The following MFF variants were observed in gnomAD, a reference collection of about 807,000 sequenced individuals.
MFF encodes mitochondrial fission factor, also known as chromosome 2 open reading frame 33.
MFF carries 12 observed loss-of-function variants against 36.9 expected under a neutral mutation model. That is an observed-to-expected ratio of 0.33 (90% confidence interval 0.21 to 0.53). The LOEUF (loss-of-function observed/expected upper bound fraction) is 0.53, where lower values mean the gene tolerates loss of function less well. MFF is among the 20% of genes least tolerant of loss of function. The pLI is 0.95. For missense variants in MFF, 348 were observed against 366.6 expected (o/e 0.95, Z 0.42); for synonymous variants, 99 against 126.2 (o/e 0.78, Z 1.44).
chr2:227,330,041 A>T (rs1223441759), intron 2 of MFF: 1 of 299,438 alleles, frequency 3.3e-6, no homozygotes, highest in Non-Finnish European at 6.1e-6. Flanking sequence ...TAAATTTGGT[A>T]TTCATTGCAT....
chr2:227,330,451 T>C (rs1029731818), intron 2 of MFF, 175 bp from the exon 3 acceptor site: 20 of 581,702 alleles, frequency 3.4e-5, no homozygotes, highest in Middle Eastern at 4.5e-4. Flanking sequence ...TAAGAAGGCA[T>C]TTTGTTGAGG....
At chr2:227,331,236 A>G (rs564841034) in intron 3 of MFF, among the ~76,000 whole-genome samples, 5 of 152,222 alleles carry the variant, frequency 3.3e-5, no homozygotes, top group Non-Finnish European at 7.3e-5. Flanking sequence ...ATAGCCAGAG[A>G]ATAGATTTGT....
At chr2:227,340,427 G>T (rs186164190) in intron 5 of MFF, 47 bp downstream of exon 5, 2 of 1,364,428 alleles carry the variant, frequency 1.5e-6, no homozygotes, top group East Asian at 2.3e-5. Context: ...GTTTTCTCAG[G>T]ATATTTTCTG....
In MFF at chr2:227,357,011, A is replaced by T. The variant is rs575708601; in HGVS notation, c.770A>T (p.Gln257Leu). 6.2e-6 allele frequency: 10 copies of T among 1,613,210 alleles called. No individual in the cohort carries two copies. The East Asian group carries it at 2.2e-4, about 36-fold the overall frequency. ...ATAATCAAACTAAATAGACGTCTAC[A>T]ACTTCTGGAAGAGGAGAACAAAGAA... is the stretch of plus-strand genomic sequence containing the variant. ...RQIIKLNRRL[Q>L]LLEEENKERA... is the part of the protein sequence containing the mutation. Residue 257 changes from glutamine to leucine, a missense_variant, in exon 9 of 9, where the codon CAA (glutamine) becomes CTA (leucine). Coordinates refer to ENST00000304593, the MANE Select transcript of MFF (RefSeq NM_001277062.2).
rs760360124 is a variant in MFF, at chr2:227,355,813, T to G, written c.744+52T>G. On this transcript the variant is annotated intron_variant, in intron 8 of 8. Coordinates refer to ENST00000304593, the MANE Select transcript of MFF (RefSeq NM_001277062.2). ...TTTCTCAGTTATATTCATACAATAT[T>G]TTAAAGTGATAGTTCTCAACATTTT... 4.6e-6 allele frequency: 5 copies of G among 1,075,428 alleles called. No homozygotes were observed. In the African/African-American group the frequency reaches 7.8e-5, roughly 17 times the overall value. 66.6% of individuals were successfully genotyped at this position (1,075,428 alleles called of 1,614,324 possible).
At chr2:227,333,579 G>C (rs925126556) in intron 4 of MFF, among the ~76,000 whole-genome samples, 17 of 152,302 alleles carry the variant, frequency 1.1e-4, no homozygotes, top group African/African-American at 4.1e-4. Context: ...AAAGTTTGCT[G>C]TCTGTCTGGT....
intron 4 of MFF, 27 bp from the exon 5 acceptor site, chr2:227,340,265 T>G: frequency 6.3e-7 from 1 of 1,582,244 alleles, no homozygotes; most frequent in Non-Finnish European, 8.7e-7. Context: ...TATTTCTATT[T>G]CCTTCCCTCT....
intron 5 of MFF, 182 bp from the exon 6 acceptor site, chr2:227,347,044 T>G: frequency 3.7e-6 from 2 of 541,894 alleles, no homozygotes; most frequent in East Asian, 2.9e-5. Context: ...AGTGCTGCCT[T>G]GTAGCTAGTT....
At chr2:227,329,798 A>G in intron 2 of MFF, 1 of 1,482,598 alleles carries the variant, frequency 6.7e-7, no homozygotes, top group Admixed American at 1.8e-5. Flanking sequence ...GTGAAATTTT[A>G]TTCAGTTGAG....
At chr2:227,329,736 C>T (rs1220982068) in intron 2 of MFF, 2 of 1,545,808 alleles carry the variant, frequency 1.3e-6, no homozygotes, top group Non-Finnish European at 1.8e-6. Context: ...CCTGTATTTA[C>T]TGTATTTAAA....
rs778674150 is a variant in MFF, at chr2:227,347,339, G to T, written c.554G>T (p.Arg185Leu). 3.1e-6 allele frequency: 5 copies of T among 1,613,710 alleles called. No individual in the cohort carries two copies. Among genetic ancestry groups the T allele is most frequent in the Admixed American group, 3.3e-5 (2 of 60,004 alleles). The change falls in exon 6 of 9, where the codon CGT (arginine) becomes CTT (leucine). Residue 185 changes from arginine to leucine, a missense_variant. Arg to Leu is a moderately radical substitution (Grantham distance 102, BLOSUM62 -2). Coordinates refer to ENST00000304593, the MANE Select transcript of MFF (RefSeq NM_001277062.2). Reference protein sequence around the residue: ...GILSLIQSSTRRAYQQILDVL... With the variant: ...GILSLIQSSTLRAYQQILDVL... ...TTGTCGCTTATCCAGTCTTCTACTC[G>T]TAGGGCATACCAGCAGATCTTGGAT...
chr2:227,343,691 A>G (rs1225235357), intron 5 of MFF, among the ~76,000 whole-genome samples: 1 of 152,212 alleles, frequency 6.6e-6, no homozygotes, highest in Non-Finnish European at 1.5e-5. Flanking sequence ...TCAAAGAGGT[A>G]CTTGATTTTG....
chr2:227,339,334 G>T (rs2075254998), intron 4 of MFF, among the ~76,000 whole-genome samples: 1 of 152,156 alleles, frequency 6.6e-6, no homozygotes. Context: ...TTTTGCTCAA[G>T]CATTCTGTGG....
intron 5 of MFF, among the ~76,000 whole-genome samples, chr2:227,343,900 G>C (rs1339870348): frequency 6.6e-6 from 1 of 152,030 alleles, no homozygotes; most frequent in Non-Finnish European, 1.5e-5. Flanking sequence ...CGATTCTCCT[G>C]CCCCAGTCTC....
intron 4 of MFF, 148 bp downstream of exon 4, chr2:227,332,736 C>G (rs2074693210): frequency 1.8e-6 from 1 of 558,444 alleles, no homozygotes; most frequent in Admixed American, 3.4e-5. Flanking sequence ...TACAAATGTG[C>G]CAAATAAGTT....
Position 227,347,003 on chromosome 2 carries a change from T to A in MFF, c.441-223T>A, listed in dbSNP as rs529278677. ...TACAGTTCTTTCATATTCAGTTTATTTATTTTGATGTTTAGGGTTACAAAG... is the reference window on the plus strand; with the variant it reads ...TACAGTTCTTTCATATTCAGTTTATATATTTTGATGTTTAGGGTTACAAAG... On this transcript the variant is annotated intron_variant, in intron 5 of 8. Transcript: ENST00000304593. 6 of 417,388 alleles carry A rather than the reference T, an allele frequency of 1.4e-5. No individual in the cohort carries two copies. In the South Asian group the frequency reaches 2.7e-4, roughly 19 times the overall value. 25.9% of individuals were successfully genotyped at this position (417,388 alleles called of 1,614,324 possible).
intron 1 of MFF, among the ~76,000 whole-genome samples, chr2:227,326,222 A>AG (rs1040077163): frequency 6.6e-6 from 1 of 150,442 alleles, no homozygotes; most frequent in Non-Finnish European, 1.5e-5. Flanking sequence ...AGAACATTAA[A>AG]GGGGAAAAAA....
At position 227,347,072 on chromosome 2, in the gene MFF, A is replaced by G; in HGVS notation, c.441-154A>G. 8 of 599,438 alleles carry G rather than the reference A, an allele frequency of 1.3e-5. No homozygotes were observed. In the East Asian group the frequency reaches 2.0e-4, roughly 15 times the overall value. 37.1% of individuals were successfully genotyped at this position (599,438 alleles called of 1,614,324 possible). A position where few individuals can be genotyped will look rare whatever the true frequency, so the allele number is the denominator to read the frequency against. Reference sequence around the variant, plus strand: ...AGCTAGTTTTTGGAAACAATTCAAAATATTTATTCTTTGACTGTTTTCTTG... The same window carrying G: ...AGCTAGTTTTTGGAAACAATTCAAAGTATTTATTCTTTGACTGTTTTCTTG... On this transcript the variant is annotated intron_variant, in intron 5 of 8. Transcript: ENST00000304593.
intron 6 of MFF, among the ~76,000 whole-genome samples, chr2:227,348,730 C>T (rs1321497148): frequency 6.6e-6 from 1 of 152,134 alleles, no homozygotes; most frequent in Non-Finnish European, 1.5e-5. Flanking sequence ...TGCTTAGCTT[C>T]TTTTGGCCTC....
Sources: allele counts gnomAD v4.1 joint callset (sites outside exome capture counted in the v4.1 genomes callset), GRCh38; gene constraint gnomAD v4.1.1; transcripts MANE v1.5; gene names NCBI Gene and HGNC (gene_info 2026-07-23, HGNC 2026-07-21).